The following WNT5A variants were observed in gnomAD, a reference collection of about 807,000 sequenced individuals.
WNT5A encodes Wnt family member 5A, also known as protein Wnt-5a.
Under a neutral mutation model 42.1 loss-of-function variants are expected in WNT5A, and 9 were observed. The ratio of observed to expected loss-of-function variants is 0.21; its 90% CI spans 0.13 to 0.37. The LOEUF (loss-of-function observed/expected upper bound fraction) is 0.37, where lower values mean the gene tolerates loss of function less well. Among genes scored for constraint, WNT5A ranks in the 10% least tolerant of loss-of-function variants. WNT5A has a pLI of 1.00. For synonymous variants in WNT5A, 210 were observed against 210.0 expected, an observed-to-expected ratio of 1.00 and a Z score of 0.00; for missense variants, 426 against 534.0, an observed-to-expected ratio of 0.80 and a Z score of 1.99.
chr3:55,477,579 A>G (rs141720183), intron 3 of WNT5A, among the ~76,000 whole-genome samples: 82 of 152,306 alleles, frequency 5.4e-4, no homozygotes, highest in African/African-American at 1.9e-3. Flanking sequence ...ACCAGAGAGC[A>G]TACTTTCCAG....
chr3:55,488,775 T>C (rs2051622256), upstream of WNT5A, among the ~76,000 whole-genome samples: 1 of 152,190 alleles, frequency 6.6e-6, no homozygotes, highest in Non-Finnish European at 1.5e-5. Context: ...CTTCCCCGCC[T>C]GGACCCCTTG....
Position 55,472,870 on chromosome 3 carries a change from A to T in WNT5A, c.684+1467T>A, listed in dbSNP as rs572536717. 2.0e-5 allele frequency among the ~76,000 whole-genome samples: 3 copies of T among 152,314 alleles called. No homozygotes were observed. In the East Asian group the frequency reaches 5.8e-4, roughly 29 times the overall value. On this transcript the variant is annotated intron_variant, in intron 4 of 4. Transcript: ENST00000264634. Reference sequence around the variant, plus strand: ...GGACACTAAACTAAGACCTTTAATTAAACCAAATGAAATTGTTATTTTGTA... The same window carrying T: ...GGACACTAAACTAAGACCTTTAATTTAACCAAATGAAATTGTTATTTTGTA...
At chr3:55,471,685 G>A (rs1056149152) in intron 4 of WNT5A, among the ~76,000 whole-genome samples, 5 of 152,246 alleles carry the variant, frequency 3.3e-5, no homozygotes, top group Non-Finnish European at 7.3e-5. Context: ...CAGTAGCAGT[G>A]CCCACGGGTC....
chr3:55,475,045 C>A (rs1421988171), intron 3 of WNT5A, among the ~76,000 whole-genome samples: 3 of 152,180 alleles, frequency 2.0e-5, no homozygotes, highest in East Asian at 3.9e-4. Context: ...TCCCCCAAAA[C>A]ACACAGAAGC....
chr3:55,470,089 C>A lies in WNT5A; in HGVS notation c.*3G>T, dbSNP rs2051217256. ...AGCGGGGCTGAGTGCTGGGTGGCAC[C>A]CACTACTTGCACACAAACTGGTCCA... On this transcript the variant is annotated 3_prime_UTR_variant, in exon 5 of 5. Transcript: ENST00000264634. 1.9e-6 allele frequency: 3 copies of A among 1,613,984 alleles called. No individual in the cohort carries two copies. The East Asian group carries it at 6.7e-5, about 36-fold the overall frequency.
In WNT5A at chr3:55,468,357, G is replaced by A. The variant is rs1433999547; in HGVS notation, c.*1735C>T. ...TCTCCACAAAGTGAACAGAAATGGA[G>A]GTTGGAGACAAAGGGGTGAGGCAGA... is the stretch of plus-strand genomic sequence containing the variant. On this transcript the variant is annotated 3_prime_UTR_variant, in exon 5 of 5. Transcript: ENST00000264634. 2 of 152,090 alleles carry A rather than the reference G, an allele frequency of 1.3e-5. No homozygotes were observed. Among genetic ancestry groups the A allele is most frequent in the African/African-American group, 4.8e-5 (2 of 41,404 alleles). The allele number at this position is 152,090 out of a possible 1,614,324, so 9.4% of individuals were successfully genotyped here. A position where few individuals can be genotyped will look rare whatever the true frequency, so the allele number is the denominator to read the frequency against.
the WNT5A span, among the ~76,000 whole-genome samples, chr3:55,497,093 T>C: frequency 6.6e-6 from 1 of 152,240 alleles, no homozygotes; most frequent in African/African-American, 2.4e-5. Flanking sequence ...GGTTTGTCCA[T>C]TTTAATCAAC....
Position 55,469,998 on chromosome 3 carries a change from TA to T in WNT5A, c.*93del. 1.3e-6 allele frequency: 2 copies of T among 1,505,268 alleles called. No individual in the cohort carries two copies. The highest frequency in any genetic ancestry group is 1.8e-6 in the Non-Finnish European group (2 of 1,097,162). The allele number at this position is 1,505,268 out of a possible 1,614,324, so 93.2% of individuals were successfully genotyped here. On this transcript the variant is annotated 3_prime_UTR_variant, in exon 5 of 5. Transcript: ENST00000264634. The stretch of plus-strand genomic sequence containing the variant: ...TCCGGTTGCAATTCTTGGGGAAAAA[TA>T]AAAAATATTTCTAAAAACCAAAAAC...
chr3:55,504,247 C>T, the WNT5A span, among the ~76,000 whole-genome samples: 11 of 151,194 alleles, frequency 7.3e-5, no homozygotes, highest in Admixed American at 1.3e-4. Context: ...CCAGCCTGAG[C>T]GACAGGGTGA....
At chr3:55,504,241 C>G in the WNT5A span, among the ~76,000 whole-genome samples, 1 of 151,712 alleles carries the variant, frequency 6.6e-6, no homozygotes, top group South Asian at 2.1e-4. Context: ...TGCACTCCAG[C>G]CTGAGCGACA....
rs918369670 is a variant in WNT5A at position 55,466,331 on chromosome 3, G to A, written c.*3761C>T. The A allele has an allele frequency of 2.6e-5, 4 of 152,158 alleles. No individual in the cohort carries two copies. Among genetic ancestry groups the A allele is most frequent in the African/African-American group, 7.2e-5 (3 of 41,448 alleles). The allele number at this position is 152,158 out of a possible 1,614,324, so 9.4% of individuals were successfully genotyped here. Reference sequence around the variant, plus strand: ...TATTGTGGGCCACTAAGTGTTTGTGGACTGATGCTGCTAACGATCTCTTGG... The same window carrying A: ...TATTGTGGGCCACTAAGTGTTTGTGAACTGATGCTGCTAACGATCTCTTGG... On this transcript the variant is annotated 3_prime_UTR_variant, in exon 5 of 5. Coordinates refer to ENST00000264634, the MANE Select transcript of WNT5A (RefSeq NM_003392.7).
chr3:55,494,436 A>C (rs1467335865), upstream of WNT5A, among the ~76,000 whole-genome samples: 1 of 152,238 alleles, frequency 6.6e-6, no homozygotes, highest in Non-Finnish European at 1.5e-5. Context: ...AGATGGCAGA[A>C]ATATAAGAGC....
rs145674086 is a variant in WNT5A, at chr3:55,478,728, T to C, written c.391+586A>G. Among the ~76,000 whole-genome samples, 333 of 152,322 alleles carry C rather than the reference T, an allele frequency of 2.2e-3. 4 individuals are homozygous for C. In the East Asian group the frequency reaches 0.025, roughly 11 times the overall value. On this transcript the variant is annotated intron_variant, in intron 3 of 4. Transcript: ENST00000264634. ...ACATCCCAAGCATGTGCTTTTATTATATCAATTGCTGACATCACAAACATA... is the reference window on the plus strand; with the variant it reads ...ACATCCCAAGCATGTGCTTTTATTACATCAATTGCTGACATCACAAACATA...
chr3:55,497,873 G>A, the WNT5A span, among the ~76,000 whole-genome samples: 2 of 152,196 alleles, frequency 1.3e-5, no homozygotes, highest in Non-Finnish European at 2.9e-5. Context: ...AAAGGATGGA[G>A]AAGGGAATTA....
upstream of WNT5A, among the ~76,000 whole-genome samples, chr3:55,495,026 A>G (rs986127400): frequency 6.6e-6 from 1 of 152,246 alleles, no homozygotes; most frequent in Non-Finnish European, 1.5e-5. Context: ...ATAATTTTTT[A>G]AAATTTTTCT....
At position 55,479,295 on chromosome 3, in the gene WNT5A, A is replaced by C; in HGVS notation, c.391+19T>G. The C allele has an allele frequency of 6.8e-7, 1 of 1,469,338 alleles. No individual in the cohort carries two copies. Among genetic ancestry groups the C allele is most frequent in the Non-Finnish European group, 9.0e-7 (1 of 1,106,392 alleles). 91.0% of individuals were successfully genotyped at this position (1,469,338 alleles called of 1,614,324 possible). The stretch of plus-strand genomic sequence containing the variant: ...AAAAAAGTTAATGTTTTAAAAAAAT[A>C]TTTTAAATGTTTTCCTACCTATCTG... On this transcript the variant is annotated intron_variant, in intron 3 of 4. Transcript: ENST00000264634.
the WNT5A span, among the ~76,000 whole-genome samples, chr3:55,498,061 G>A: frequency 1.3e-5 from 2 of 152,122 alleles, no homozygotes; most frequent in African/African-American, 4.8e-5. Flanking sequence ...TCTCATGAAG[G>A]GTTGACAAGG....
At chr3:55,501,153 G>A in the WNT5A span, among the ~76,000 whole-genome samples, 168 of 152,276 alleles carry the variant, frequency 1.1e-3, no homozygotes, top group Non-Finnish European at 6.6e-4. Flanking sequence ...ATTATCTTCC[G>A]AAATTCCAAT....
At position 55,470,485 on chromosome 3, in the gene WNT5A, C is replaced by T. The variant is rs1157338498; in HGVS notation, c.750G>A (p.Lys250=). ...AGTCTGCCAGCTGCAGCCAGCATGT[C>T]TTCAGGCTACATGAGCCGGACACCC... ...CHGVSGSCSL[K]TCWLQLADFR... Residue 250 remains lysine, a synonymous_variant, in exon 5 of 5, where the codon AAG becomes AAA. Coordinates refer to ENST00000264634, the MANE Select transcript of WNT5A (RefSeq NM_003392.7). The T allele has an allele frequency of 1.9e-6, 3 of 1,606,724 alleles. No individual in the cohort carries two copies. The highest frequency in any genetic ancestry group is 2.2e-5 in the East Asian group (1 of 44,564).
Sources: gnomAD v4.1 joint callset for allele counts (sites outside exome capture counted in the v4.1 genomes callset) on GRCh38, gnomAD v4.1.1 for gene constraint, MANE v1.5 for transcripts, NCBI Gene and HGNC (gene_info 2026-07-23, HGNC 2026-07-21) for gene names.